Variants in PARP4 observed in about 807,000 individuals in gnomAD.
The protein encoded by PARP4 is protein mono-ADP-ribosyltransferase PARP4.
A neutral mutation model predicts 187.7 loss-of-function variants in PARP4; 120 were observed. The observed-to-expected ratio is 0.64, with a 90% confidence interval of 0.55 to 0.74. PARP4 has a LOEUF of 0.74. Among genes scored for constraint, PARP4 ranks in the 30% least tolerant of loss-of-function variants. The pLI is 0.00. For missense variants in PARP4, 1,836 were observed against 2,070.5 expected, an observed-to-expected ratio of 0.89 and a Z score of 2.20; for synonymous variants, 654 against 740.9, an observed-to-expected ratio of 0.88 and a Z score of 1.90.
Position 24,493,718 on chromosome 13 carries a change from CT to C in PARP4, c.756del (p.Val253SerfsTer2). ...SEQLQALLLE[E>X]VMNSSTLSQE... ...TGGCTCAGAGTGCTTGAATTCATGACTTCCTCCAAAAGCAACTACAATAATA... is the reference window on the plus strand; with the variant it reads ...TGGCTCAGAGTGCTTGAATTCATGACTCCTCCAAAAGCAACTACAATAATA... On this transcript the variant is annotated frameshift_variant, in exon 8 of 34. Coordinates refer to ENST00000381989, the MANE Select transcript of PARP4 (RefSeq NM_006437.4). LOFTEE classifies it high-confidence loss of function. 6.2e-7 allele frequency: 1 copy of C among 1,613,590 alleles called. No individual in the cohort carries two copies. The highest frequency in any genetic ancestry group is 8.5e-7 in the Non-Finnish European group (1 of 1,179,904).
intron 7 of PARP4, among the ~76,000 whole-genome samples, chr13:24,494,301 T>A (rs1593647323): frequency 1.3e-5 from 2 of 152,178 alleles, no homozygotes; most frequent in African/African-American, 2.4e-5. Flanking sequence ...ATTCAAGTGG[T>A]CCTCCTGCCT....
intron 1 of PARP4, among the ~76,000 whole-genome samples, chr13:24,511,700 T>G (rs1023638024): frequency 6.6e-6 from 1 of 152,230 alleles, no homozygotes; most frequent in African/African-American, 2.4e-5. Flanking sequence ...CCTTCCGAAG[T>G]GTGTGAGTCA....
intron 31 of PARP4, among the ~76,000 whole-genome samples, chr13:24,432,009 G>A (rs1186776038): frequency 2.6e-5 from 4 of 152,202 alleles, no homozygotes; most frequent in Non-Finnish European, 5.9e-5. Flanking sequence ...TTACAGGCGT[G>A]AGCCACCATA....
chr13:24,459,875 A>T, intron 18 of PARP4, 97 bp downstream of exon 18: 1 of 926,204 alleles, frequency 1.1e-6, no homozygotes, highest in African/African-American at 1.7e-5. Flanking sequence ...AGATTATTTT[A>T]CATGTTTTTC....
chr13:24,507,189 A>G (rs1446964984), intron 1 of PARP4, among the ~76,000 whole-genome samples: 3 of 152,216 alleles, frequency 2.0e-5, no homozygotes, highest in Non-Finnish European at 2.9e-5. Flanking sequence ...TGCGCCTGCA[A>G]GCTGAAGGAG....
At chr13:24,479,822 T>G (rs1873173720) in intron 12 of PARP4, among the ~76,000 whole-genome samples, 1 of 152,190 alleles carries the variant, frequency 6.6e-6, no homozygotes. Flanking sequence ...CTTTCGCTCT[T>G]TGCAATAAAT....
chr13:24,472,808 A>C (rs1872781755), intron 15 of PARP4, among the ~76,000 whole-genome samples: 1 of 150,882 alleles, frequency 6.6e-6, no homozygotes, highest in South Asian at 2.1e-4. Flanking sequence ...GTTCTTACTC[A>C]CTTGGTATTT....
Position 24,492,184 on chromosome 13 carries a change from T to C in PARP4, c.1053+237A>G, listed in dbSNP as rs75346434. On this transcript the variant is annotated intron_variant, in intron 9 of 33. Transcript: ENST00000381989. ...GAGTCTGAAAAGTTATTTTACAAGATAGCAATTTTAAACCTATTTCTGCAC... is the reference window on the plus strand; with the variant it reads ...GAGTCTGAAAAGTTATTTTACAAGACAGCAATTTTAAACCTATTTCTGCAC... 4.5e-4 allele frequency among the ~76,000 whole-genome samples: 69 copies of C among 152,374 alleles called. No homozygotes were observed. The East Asian group carries it at 0.013, about 29-fold the overall frequency.
At chr13:24,450,679 T>C (rs1871464316) in intron 24 of PARP4, among the ~76,000 whole-genome samples, 1 of 152,156 alleles carries the variant, frequency 6.6e-6, no homozygotes, top group Non-Finnish European at 1.5e-5. Flanking sequence ...AAGCTCACTT[T>C]ACTAGAGTTT....
chr13:24,461,554 G>A (rs1198659162), intron 17 of PARP4, among the ~76,000 whole-genome samples: 1 of 152,172 alleles, frequency 6.6e-6, no homozygotes, highest in Non-Finnish European at 1.5e-5. Flanking sequence ...TAAGCTTACT[G>A]GTTTAGAAGA....
chr13:24,512,390 G>T (rs2282410), intron 1 of PARP4, among the ~76,000 whole-genome samples: 61,794 of 151,902 alleles, frequency 0.41, 12,801 homozygotes, highest in East Asian at 0.6. Flanking sequence ...AACAACGCGT[G>T]CTACTGCGAA....
chr13:24,466,804 A>C (rs1387642535), intron 17 of PARP4, among the ~76,000 whole-genome samples: 4 of 151,508 alleles, frequency 2.6e-5, no homozygotes, highest in African/African-American at 4.8e-5. Flanking sequence ...CTCAAAAAAA[A>C]AAAAAAAAAG....
At chr13:24,475,379 T>C in intron 15 of PARP4, 93 bp downstream of exon 15, 1 of 1,174,588 alleles carries the variant, frequency 8.5e-7, no homozygotes, top group East Asian at 2.4e-5. Flanking sequence ...TAGAAATCTA[T>C]CTATTCCCTT....
At chr13:24,510,088 T>C (rs1416243673) in intron 1 of PARP4, among the ~76,000 whole-genome samples, 1 of 152,258 alleles carries the variant, frequency 6.6e-6, no homozygotes, top group African/African-American at 2.4e-5. Context: ...TTTAATGTTA[T>C]AGCCAGTTGC....
At position 24,426,854 on chromosome 13, in the gene PARP4, T is replaced by C. The variant is rs1162117824; in HGVS notation, c.4847-256A>G. ...TTGCAGTGAGCCGAGATCACTCCAC[T>C]GCACTCCAGCCTGGGCGACAGAGTG... On this transcript the variant is annotated intron_variant, in intron 32 of 33. Coordinates refer to ENST00000381989, the MANE Select transcript of PARP4 (RefSeq NM_006437.4). Among the ~76,000 whole-genome samples, 3 of 128,398 alleles carry C rather than the reference T, an allele frequency of 2.3e-5. No homozygotes were observed. The Admixed American group carries it at 3.0e-4, about 13-fold the overall frequency. The allele number at this position is 128,398 out of a possible 152,430, so 84.2% of individuals were successfully genotyped here. A position where few individuals can be genotyped will look rare whatever the true frequency, so the allele number is the denominator to read the frequency against.
chr13:24,467,485 G>A (rs1215983096), intron 17 of PARP4, among the ~76,000 whole-genome samples: 3 of 152,126 alleles, frequency 2.0e-5, no homozygotes, highest in Non-Finnish European at 4.4e-5. Flanking sequence ...TGCCCAGGTT[G>A]GTGTGTAGTG....
chr13:24,450,114 T>G (rs187306609), intron 24 of PARP4, among the ~76,000 whole-genome samples: 2 of 152,250 alleles, frequency 1.3e-5, no homozygotes, highest in Non-Finnish European at 2.9e-5. Flanking sequence ...AACAACCCTA[T>G]AAGGTATCAG....
intron 12 of PARP4, among the ~76,000 whole-genome samples, chr13:24,482,603 G>A (rs1352585478): frequency 1.3e-5 from 2 of 152,112 alleles, no homozygotes; most frequent in Non-Finnish European, 2.9e-5. Flanking sequence ...AGGCTTAGAT[G>A]ATCGTTAGGA....
chr13:24,458,030 G>T (rs925158728), intron 20 of PARP4, among the ~76,000 whole-genome samples: 6 of 151,822 alleles, frequency 4.0e-5, no homozygotes, highest in Admixed American at 3.3e-4. Context: ...AGCACTTCGG[G>T]AAGCCAGAGC....
Sources: allele counts gnomAD v4.1 joint callset (sites outside exome capture counted in the v4.1 genomes callset), GRCh38; gene constraint gnomAD v4.1.1; transcripts MANE v1.5; gene names NCBI Gene and HGNC (gene_info 2026-07-23, HGNC 2026-07-21).